The following NPHP4 variants were observed in gnomAD, a reference collection of about 807,000 sequenced individuals.
The protein encoded by NPHP4 is nephrocystin 4, also known as nephrocystin-4.
A neutral mutation model predicts 155.8 loss-of-function variants in NPHP4; 151 were observed. The ratio of observed to expected loss-of-function variants is 0.97; its 90% CI spans 0.85 to 1.11. NPHP4 has a LOEUF of 1.11. Among genes scored for constraint, NPHP4 ranks in the 50% least tolerant of loss-of-function variants. The pLI, the probability that NPHP4 is intolerant of heterozygous loss-of-function variation, is 0.00. For missense variants in NPHP4, 1,956 were observed against 1,925.7 expected, an observed-to-expected ratio of 1.02 and a Z score of -0.29; for synonymous variants, 845 against 816.8, an observed-to-expected ratio of 1.03 and a Z score of -0.59.
chr1:5,889,781 C>A lies in NPHP4; in HGVS notation c.2304+1087G>T, dbSNP rs1487024952. Among the ~76,000 whole-genome samples the A allele has an allele frequency of 6.6e-6, 1 of 152,206 alleles. No individual in the cohort carries two copies. Among genetic ancestry groups the A allele is most frequent in the Non-Finnish European group, 1.5e-5 (1 of 68,026 alleles). ...TGTGGGGCCCTTGCCATGACCCCAA[C>A]AGGAACAGAGGCCCAGGGTGAGGCA... On this transcript the variant is annotated intron_variant, in intron 17 of 29. Coordinates refer to ENST00000378156, the MANE Select transcript of NPHP4 (RefSeq NM_015102.5). This position sits in a 1 kb window ranked among gnomAD's most constrained non-coding sequence, Gnocchi z 4.2.
At chr1:5,879,737 C>T in intron 19 of NPHP4, 1 of 400,630 alleles carries the variant, frequency 2.5e-6, no homozygotes, top group South Asian at 1.9e-5. Context: ...ACAGTCCTGC[C>T]CTAGATGCAG....
intron 9 of NPHP4, among the ~76,000 whole-genome samples, chr1:5,943,806 A>C (rs1373387924): frequency 6.6e-6 from 1 of 152,202 alleles, no homozygotes; most frequent in African/African-American, 2.4e-5. Flanking sequence ...AGGTGTGATG[A>C]TGGTGTTCAC....
Position 5,938,220 on chromosome 1 carries a change from C to T in NPHP4, c.1120-4891G>A, listed in dbSNP as rs576868037. Among the ~76,000 whole-genome samples, 35 of 152,338 alleles carry T rather than the reference C, an allele frequency of 2.3e-4. 1 individual carries two copies. The highest frequency in any genetic ancestry group is 1.6e-3 in the Admixed American group (25 of 15,306). On this transcript the variant is annotated intron_variant, in intron 9 of 29. Coordinates refer to ENST00000378156, the MANE Select transcript of NPHP4 (RefSeq NM_015102.5). ...GGCAAGTCCTTCCCGATGGCTCGCT[C>T]GCTGGCCGGCATTCTCCCTGAAGGA...
chr1:5,963,001 C>G (rs899464726), intron 5 of NPHP4, among the ~76,000 whole-genome samples: 2 of 152,226 alleles, frequency 1.3e-5, no homozygotes, highest in Admixed American at 6.5e-5. Flanking sequence ...GGCTCAAGTC[C>G]CAGCTGTGGC....
intron 19 of NPHP4, 59 bp from the exon 20 acceptor site, chr1:5,877,357 G>C: frequency 1.4e-6 from 2 of 1,449,750 alleles, no homozygotes; most frequent in South Asian, 2.7e-5. Context: ...TCCAGGAGCA[G>C]ACACCAGGGC....
rs398124290 is a variant in NPHP4 at position 5,865,164 on chromosome 1, G to T, written c.3754C>A (p.Leu1252Ile). 1 of 1,613,644 alleles carries T rather than the reference G, an allele frequency of 6.2e-7. No homozygotes were observed. Residue 1252 changes from leucine (L) to isoleucine (I), a missense_variant, in exon 27 of 30, where the codon CTT (leucine) becomes ATT (isoleucine). Leu to Ile is a conservative substitution (Grantham distance 5). Coordinates refer to ENST00000378156, the MANE Select transcript of NPHP4 (RefSeq NM_015102.5). Reference sequence around the variant, plus strand: ...TTCCTCACTGTCTGTGTCCCCCGAAGGACAAGGGACAGGCGGGTCAGCTGG... The same window carrying T: ...TTCCTCACTGTCTGTGTCCCCCGAATGACAAGGGACAGGCGGGTCAGCTGG... ...AGQLTRLSLV[L>I]RGTQTVRKVR...
At chr1:5,887,624 G>A (rs1456924869) in intron 17 of NPHP4, among the ~76,000 whole-genome samples, 158 bp from the exon 18 acceptor site, 1 of 152,214 alleles carries the variant, frequency 6.6e-6, no homozygotes. Flanking sequence ...GGGGGGTGAG[G>A]GGGCGGCGAG....
At chr1:5,901,889 G>A (rs918617430) in intron 16 of NPHP4, among the ~76,000 whole-genome samples, 2 of 152,200 alleles carry the variant, frequency 1.3e-5, no homozygotes, top group African/African-American at 2.4e-5. Flanking sequence ...AAAAGGAAAG[G>A]TGGTTGGCTT....
intron 6 of NPHP4, 36 bp from the exon 7 acceptor site, chr1:5,952,872 G>C (rs775335304): frequency 3.6e-5 from 56 of 1,561,698 alleles, no homozygotes; most frequent in Non-Finnish European, 4.8e-5. Flanking sequence ...GTCATCCTTG[G>C]GAATAAAACA....
At position 5,890,833 on chromosome 1, in the gene NPHP4, C is replaced by G. The variant is rs779827706; in HGVS notation, c.2304+35G>C. On this transcript the variant is annotated intron_variant, in intron 17 of 29. Coordinates refer to ENST00000378156, the MANE Select transcript of NPHP4 (RefSeq NM_015102.5). This position sits in a 1 kb window ranked among gnomAD's most constrained non-coding sequence, Gnocchi z 4.9. ...GTGACTCGTCCCATGAGGGACGCAG[C>G]ACCCACTGTGCCTGTCCTTCCAGAG... 1.0e-5 allele frequency: 16 copies of G among 1,586,672 alleles called. No homozygotes were observed. Among genetic ancestry groups the G allele is most frequent in the Non-Finnish European group, 1.3e-5 (15 of 1,161,086 alleles).
At chr1:5,871,683 G>A (rs985109692) in intron 23 of NPHP4, among the ~76,000 whole-genome samples, 1 of 152,198 alleles carries the variant, frequency 6.6e-6, no homozygotes, top group South Asian at 2.1e-4. Context: ...TGAGCACGGT[G>A]ACAGCCAGCA....
rs1299940606 is a variant in NPHP4 at position 5,867,464 on chromosome 1, G to A, written c.3472+276C>T. ...CGCGGGCCGTCAGGTGAGGAGGTAGGTGTTCCTCCAGGCACACCTGGACCT... is the reference window on the plus strand; with the variant it reads ...CGCGGGCCGTCAGGTGAGGAGGTAGATGTTCCTCCAGGCACACCTGGACCT... On this transcript the variant is annotated intron_variant, in intron 24 of 29. Coordinates refer to ENST00000378156, the MANE Select transcript of NPHP4 (RefSeq NM_015102.5). This position sits in a 1 kb window ranked among gnomAD's most constrained non-coding sequence, Gnocchi z 4.1. The A allele has an allele frequency of 7.1e-6, 4 of 563,068 alleles. No homozygotes were observed. In the African/African-American group the frequency reaches 7.5e-5, roughly 11 times the overall value. The allele number at this position is 563,068 out of a possible 1,614,324, so 34.9% of individuals were successfully genotyped here.
chr1:5,961,168 A>G (rs920066967), intron 6 of NPHP4, among the ~76,000 whole-genome samples: 2 of 152,216 alleles, frequency 1.3e-5, no homozygotes, highest in Non-Finnish European at 2.9e-5. Context: ...CAAGGACTGC[A>G]TGATCCCAGT....
chr1:5,966,438 G>A (rs1000838657), intron 5 of NPHP4, among the ~76,000 whole-genome samples: 1 of 152,078 alleles, frequency 6.6e-6, no homozygotes, highest in East Asian at 1.9e-4. Context: ...ATAGAGACAG[G>A]TCTTACTATG....
chr1:5,946,578 C>A (rs978031142), intron 9 of NPHP4, among the ~76,000 whole-genome samples: 3 of 152,228 alleles, frequency 2.0e-5, no homozygotes, highest in Non-Finnish European at 4.4e-5. Flanking sequence ...ATTTGATCTT[C>A]GTCCAGTTTC....
chr1:5,880,291 T>C (rs1040672482), intron 18 of NPHP4, 52 bp from the exon 19 acceptor site: 5 of 1,597,944 alleles, frequency 3.1e-6, no homozygotes, highest in Admixed American at 3.4e-5. Context: ...GAGAATCTGA[T>C]GAAACAGATC....
At chr1:5,931,710 G>C (rs1646281954) in intron 10 of NPHP4, among the ~76,000 whole-genome samples, 1 of 137,848 alleles carries the variant, frequency 7.3e-6, no homozygotes, top group Admixed American at 7.9e-5. Context: ...CTCCAGCCTG[G>C]GTTACAGAGC....
chr1:5,905,984 G>A lies in NPHP4; in HGVS notation c.1612-201C>T, dbSNP rs989260238. 8.5e-5 allele frequency among the ~76,000 whole-genome samples: 13 copies of A among 152,156 alleles called. No homozygotes were observed. The highest frequency in any genetic ancestry group is 1.3e-4 in the Admixed American group (2 of 15,280). ...TATAAGTATGGTCCCTACGATATTT[G>A]GGATATACTTACACTAAAAAATTAT... is the stretch of plus-strand genomic sequence containing the variant. On this transcript the variant is annotated intron_variant, in intron 13 of 29. Transcript: ENST00000378156. This position sits in a 1 kb window ranked among gnomAD's most constrained non-coding sequence, Gnocchi z 4.0.
In NPHP4 at chr1:5,905,517, G is replaced by C; in HGVS notation, c.1764-34C>G. 6.3e-7 allele frequency: 1 copy of C among 1,596,694 alleles called. No homozygotes were observed. Among genetic ancestry groups the C allele is most frequent in the Non-Finnish European group, 8.6e-7 (1 of 1,167,202 alleles). The stretch of plus-strand genomic sequence containing the variant: ...CAGAGACTCCTCAGGTAGCCTCCCG[G>C]GAAAGGGGGGACCCATTGATGCACC... On this transcript the variant is annotated intron_variant, in intron 14 of 29. Transcript: ENST00000378156. The surrounding 1 kb of genome is among the most constrained non-coding windows in gnomAD (Gnocchi z 4.0).
Sources: allele counts gnomAD v4.1 joint callset (sites outside exome capture counted in the v4.1 genomes callset), GRCh38; gene constraint gnomAD v4.1.1; non-coding constraint Gnocchi (gnomAD v3.1); transcripts MANE v1.5; gene names NCBI Gene and HGNC (gene_info 2026-07-23, HGNC 2026-07-21).